Variants in SAMD12 observed in about 807,000 individuals in gnomAD.
SAMD12 encodes the protein sterile alpha motif domain containing 12.
A neutral mutation model predicts 15.0 loss-of-function variants in SAMD12; 9 were observed. That is an observed-to-expected ratio of 0.60 (90% confidence interval 0.36 to 1.05). The LOEUF (loss-of-function observed/expected upper bound fraction) is 1.05, where lower values mean the gene tolerates loss of function less well. SAMD12 is among the 50% of genes least tolerant of loss of function. The pLI is 0.01. For synonymous variants in SAMD12, 86 were observed against 90.1 expected (o/e 0.96, Z 0.25); for missense variants, 230 against 234.2 (o/e 0.98, Z 0.12).
intron 2 of SAMD12, among the ~76,000 whole-genome samples, chr8:118,536,566 C>T (rs1825851178): frequency 6.6e-6 from 1 of 151,972 alleles, no homozygotes; most frequent in Admixed American, 6.6e-5. Flanking sequence ...ATGAGGCTTG[C>T]ATATGATATT....
intron 4 of SAMD12, among the ~76,000 whole-genome samples, chr8:118,267,911 C>A (rs906791576): frequency 5.3e-5 from 8 of 151,662 alleles, no homozygotes; most frequent in African/African-American, 1.5e-4. Flanking sequence ...GCCAACATGG[C>A]AAAACCCTGT....
chr8:118,532,353 G>A (rs531406577), intron 2 of SAMD12, among the ~76,000 whole-genome samples: 87 of 151,982 alleles, frequency 5.7e-4, no homozygotes, highest in African/African-American at 2.0e-3. Flanking sequence ...ATTTTATTGA[G>A]GATTTTTGTA....
In SAMD12 at chr8:118,548,992, C is replaced by T. The variant is rs188031493; in HGVS notation, c.192+31723G>A. 3.3e-3 allele frequency among the ~76,000 whole-genome samples: 508 copies of T among 152,350 alleles called. 3 individuals carry two copies. Among genetic ancestry groups the T allele is most frequent in the African/African-American group, 0.012 (481 of 41,588 alleles). On this transcript the variant is annotated intron_variant, in intron 2 of 3. Coordinates refer to ENST00000314727, the MANE Select transcript of SAMD12 (RefSeq NM_207506.3). The stretch of plus-strand genomic sequence containing the variant: ...GCTGGGGGAGGGGCGCCCGCCATTG[C>T]GCAGGCTTGCTTAGGTAAACGAAGC...
At chr8:118,175,681 C>T in the SAMD12 span, among the ~76,000 whole-genome samples, 1 of 152,096 alleles carries the variant, frequency 6.6e-6, no homozygotes, top group South Asian at 2.1e-4. Context: ...GGGCAAAGGA[C>T]ATGAAAAGAC....
intron 3 of SAMD12, among the ~76,000 whole-genome samples, chr8:118,422,426 T>G (rs73311785): frequency 0.021 from 3,118 of 152,080 alleles, 102 homozygotes; most frequent in African/African-American, 0.071. Flanking sequence ...CTTGGAGAGG[T>G]CCAGAGAGGG....
intron 3 of SAMD12, among the ~76,000 whole-genome samples, chr8:118,438,420 A>AATT (rs199665663): frequency 0.46 from 69,778 of 151,416 alleles, 17,535 homozygotes; most frequent in South Asian, 0.58. Flanking sequence ...TTTAAAAAAA[A>AATT]TTTTTTTTAA....
chr8:118,450,115 C>T (rs1331474054), intron 2 of SAMD12, among the ~76,000 whole-genome samples: 1 of 152,198 alleles, frequency 6.6e-6, no homozygotes, highest in Admixed American at 6.5e-5. Flanking sequence ...AGCACACTAT[C>T]CAGATGTGTA....
At chr8:118,475,044 G>A (rs1194917020) in intron 2 of SAMD12, among the ~76,000 whole-genome samples, 1 of 152,084 alleles carries the variant, frequency 6.6e-6, no homozygotes. Flanking sequence ...TTTGAGAACA[G>A]CCTGGCCAAC....
intron 2 of SAMD12, among the ~76,000 whole-genome samples, chr8:118,543,289 C>T (rs1316554905): frequency 6.6e-6 from 1 of 152,152 alleles, no homozygotes; most frequent in Admixed American, 6.5e-5. Flanking sequence ...CCAATTAAAC[C>T]TCTTTGTGTA....
chr8:118,446,302 A>G (rs754746698), intron 2 of SAMD12, among the ~76,000 whole-genome samples: 2 of 151,938 alleles, frequency 1.3e-5, no homozygotes, highest in Non-Finnish European at 2.9e-5. Flanking sequence ...AAATTTCTAA[A>G]TGCTGTGACC....
At chr8:118,558,684 G>C (rs1336835859) in intron 2 of SAMD12, among the ~76,000 whole-genome samples, 1 of 151,894 alleles carries the variant, frequency 6.6e-6, no homozygotes, top group Non-Finnish European at 1.5e-5. Context: ...TCAGCCTCCC[G>C]AGTAGCTGGG....
intron 4 of SAMD12, among the ~76,000 whole-genome samples, chr8:118,331,744 G>A (rs1417332727): frequency 1.3e-5 from 2 of 152,226 alleles, no homozygotes; most frequent in Admixed American, 6.5e-5. Context: ...GTCCACACAT[G>A]TGAGAATCAA....
At chr8:118,616,124 G>A (rs1032151005) in intron 1 of SAMD12, among the ~76,000 whole-genome samples, 1 of 152,216 alleles carries the variant, frequency 6.6e-6, no homozygotes, top group Admixed American at 6.5e-5. Flanking sequence ...AAGTGAATGG[G>A]AGAGAATCAG....
intron 4 of SAMD12, among the ~76,000 whole-genome samples, chr8:118,359,559 A>C (rs1403717338): frequency 2.0e-5 from 3 of 152,184 alleles, no homozygotes. Context: ...CAGTTATAGC[A>C]ACGAACGTAG....
rs1371978413 is a variant in SAMD12 at position 118,621,673 on chromosome 8, G to A, written c.13+131C>T. ...CGGCGCAGGTGAGTGCCAAGAGGTGGAGGAGGAAGGGGCCCGCTCTCCGCC... is the reference window on the plus strand; with the variant it reads ...CGGCGCAGGTGAGTGCCAAGAGGTGAAGGAGGAAGGGGCCCGCTCTCCGCC... On this transcript the variant is annotated intron_variant, in intron 1 of 3. Coordinates refer to ENST00000314727, the MANE Select transcript of SAMD12 (RefSeq NM_207506.3). The A allele has an allele frequency of 5.0e-6, 5 of 1,007,640 alleles. No homozygotes were observed. The African/African-American group carries it at 6.3e-5, about 13-fold the overall frequency. The allele number at this position is 1,007,640 out of a possible 1,614,324, so 62.4% of individuals were successfully genotyped here.
At chr8:118,214,056 T>C (rs148036979) in intron 4 of SAMD12, among the ~76,000 whole-genome samples, 1 of 152,350 alleles carries the variant, frequency 6.6e-6, no homozygotes, top group East Asian at 1.9e-4. Flanking sequence ...GCAAATATAC[T>C]TGTGATACTG....
intron 4 of SAMD12, among the ~76,000 whole-genome samples, chr8:118,260,137 A>G (rs944353483): frequency 6.6e-6 from 1 of 152,138 alleles, no homozygotes; most frequent in African/African-American, 2.4e-5. Context: ...AATATTCTCC[A>G]ACAATCAAAA....
intron 2 of SAMD12, among the ~76,000 whole-genome samples, chr8:118,534,194 A>G (rs576760854): frequency 2.7e-3 from 406 of 151,916 alleles, no homozygotes; most frequent in African/African-American, 9.3e-3. Context: ...TTTCTCCTTC[A>G]CTTATGAAGC....
intron 4 of SAMD12, among the ~76,000 whole-genome samples, chr8:118,318,355 T>TATATAC (rs1554630371): frequency 1.6e-4 from 18 of 110,820 alleles, no homozygotes; most frequent in African/African-American, 4.7e-4. Flanking sequence ...TATATATATA[T>TATATAC]ACATATATAC....
Sources: allele counts gnomAD v4.1 joint callset (sites outside exome capture counted in the v4.1 genomes callset), GRCh38; gene constraint gnomAD v4.1.1; transcripts MANE v1.5; gene names NCBI Gene and HGNC (gene_info 2026-07-23, HGNC 2026-07-21).